The following DCC variants were observed in gnomAD, a reference collection of about 807,000 sequenced individuals.
The protein encoded by DCC is netrin receptor DCC.
DCC carries 58 observed loss-of-function variants against 172.5 expected under a neutral mutation model. The observed-to-expected ratio is 0.34, with a 90% CI of 0.27 to 0.42. The LOEUF (loss-of-function observed/expected upper bound fraction) is 0.42. Among genes scored for constraint, DCC ranks in the 10% least tolerant of loss-of-function variants. DCC has a pLI of 1.00. For synonymous variants in DCC, 709 were observed against 644.5 expected (o/e 1.10, Z -1.52); for missense variants, 1,740 against 1,791.0 (o/e 0.97, Z 0.51).
intron 8 of DCC, among the ~76,000 whole-genome samples, chr18:53,176,104 C>T (rs1441784806): frequency 7.0e-6 from 1 of 142,108 alleles, no homozygotes; most frequent in African/African-American, 2.6e-5. Context: ...ATAAATGGTG[C>T]TGGGAAAACT....
At chr18:53,173,419 C>T (rs1459318859) in intron 8 of DCC, among the ~76,000 whole-genome samples, 1 of 152,004 alleles carries the variant, frequency 6.6e-6, no homozygotes, top group Non-Finnish European at 1.5e-5. Flanking sequence ...TTTGAGTGTA[C>T]AGTTCTATGG....
chr18:53,430,286 G>A (rs1042019019), intron 21 of DCC, among the ~76,000 whole-genome samples: 2 of 152,074 alleles, frequency 1.3e-5, no homozygotes, highest in Non-Finnish European at 2.9e-5. Flanking sequence ...TTAGATTATG[G>A]ACAATACGTT....
intron 7 of DCC, among the ~76,000 whole-genome samples, chr18:53,114,252 C>A (rs1179611833): frequency 4.0e-5 from 6 of 149,972 alleles, no homozygotes; most frequent in Non-Finnish European, 7.4e-5. Flanking sequence ...TAATGAACAC[C>A]CCCCCCACCC....
intron 5 of DCC, among the ~76,000 whole-genome samples, chr18:53,019,967 A>G (rs1389491290): frequency 2.6e-5 from 4 of 152,150 alleles, no homozygotes; most frequent in African/African-American, 9.7e-5. Context: ...TGGAGTCACA[A>G]ACTAAAGTGA....
intron 2 of DCC, among the ~76,000 whole-genome samples, chr18:52,847,168 G>T (rs2038907754): frequency 2.0e-5 from 3 of 152,088 alleles, no homozygotes; most frequent in Admixed American, 6.5e-5. Flanking sequence ...TCTCAATTTA[G>T]ACTTGGTTTG....
intron 27 of DCC, among the ~76,000 whole-genome samples, chr18:53,520,085 T>C (rs2046382729): frequency 6.6e-6 from 1 of 152,080 alleles, no homozygotes; most frequent in African/African-American, 2.4e-5. Flanking sequence ...GCTTTAAACC[T>C]GGCTTCTGAA....
chr18:52,820,109 C>T (rs1203717315), intron 2 of DCC, among the ~76,000 whole-genome samples: 1 of 152,132 alleles, frequency 6.6e-6, no homozygotes, highest in Admixed American at 6.5e-5. Flanking sequence ...TGGTTTCATT[C>T]ACCCCACTTG....
chr18:53,416,029 TA>T, intron 20 of DCC, 94 bp from the exon 21 acceptor site: 1 of 909,406 alleles, frequency 1.1e-6, no homozygotes. Context: ...AGCTTTGAAA[TA>T]AAAACTTACT....
intron 5 of DCC, among the ~76,000 whole-genome samples, chr18:52,952,918 A>G (rs1453981473): frequency 7.2e-6 from 1 of 138,906 alleles, no homozygotes; most frequent in African/African-American, 2.7e-5. Flanking sequence ...GAATTGATTG[A>G]TCCCAGGAAG....
intron 26 of DCC, among the ~76,000 whole-genome samples, chr18:53,495,502 G>A (rs529668135): frequency 1.3e-4 from 20 of 152,182 alleles, no homozygotes; most frequent in African/African-American, 4.8e-4. Flanking sequence ...AGTCTGATGG[G>A]CTTCCCTTTG....
chr18:52,385,622 C>T (rs1985767092), intron 1 of DCC, among the ~76,000 whole-genome samples: 1 of 151,632 alleles, frequency 6.6e-6, no homozygotes, highest in Admixed American at 6.6e-5. Context: ...TCTATATAAC[C>T]AATTGATAGT....
intron 27 of DCC, among the ~76,000 whole-genome samples, chr18:53,510,143 G>A (rs941091873): frequency 4.6e-5 from 7 of 152,046 alleles, no homozygotes; most frequent in Non-Finnish European, 1.0e-4. Context: ...TTCGAAAGGG[G>A]TCATCCTAAC....
chr18:53,313,482 G>A (rs1271802114), intron 13 of DCC, among the ~76,000 whole-genome samples: 1 of 152,140 alleles, frequency 6.6e-6, no homozygotes, highest in African/African-American at 2.4e-5. Context: ...CCGACCTCAA[G>A]TGATTCGCCT....
intron 1 of DCC, among the ~76,000 whole-genome samples, chr18:52,562,143 T>C (rs1160036461): frequency 1.3e-5 from 2 of 152,100 alleles, no homozygotes; most frequent in African/African-American, 4.8e-5. Flanking sequence ...AATGGGATGG[T>C]GTTGAGCACA....
intron 21 of DCC, among the ~76,000 whole-genome samples, chr18:53,428,335 T>A (rs1376921909): frequency 0.011 from 551 of 52,226 alleles, 83 homozygotes; most frequent in Non-Finnish European, 0.019. Context: ...ATATAATATA[T>A]TGTATATAAT....
chr18:52,926,790 T>C (rs1172831425), intron 5 of DCC, among the ~76,000 whole-genome samples: 1 of 147,214 alleles, frequency 6.8e-6, no homozygotes, highest in East Asian at 2.0e-4. Context: ...TCTATATATA[T>C]ACACACACAC....
intron 12 of DCC, among the ~76,000 whole-genome samples, chr18:53,269,535 G>A (rs1445744705): frequency 1.3e-5 from 2 of 152,210 alleles, no homozygotes; most frequent in East Asian, 3.9e-4. Context: ...AAAGAGAAAG[G>A]CATAGAATGT....
intron 9 of DCC, among the ~76,000 whole-genome samples, chr18:53,204,391 T>TA (rs1162715682): frequency 6.6e-6 from 1 of 151,532 alleles, no homozygotes; most frequent in African/African-American, 2.4e-5. Context: ...AAAATAAAAA[T>TA]AAAAAAATAA....
rs117045749 is a variant in DCC, at chr18:52,575,383, T to C, written c.92-176671T>C. 8.2e-3 allele frequency among the ~76,000 whole-genome samples: 1,253 copies of C among 152,294 alleles called. 13 individuals are homozygous for C. Among genetic ancestry groups the C allele is most frequent in the Middle Eastern group, 0.041 (12 of 294 alleles). ...TAGAGGTGCGTTATACTCAGAAAGA[T>C]AGATGGTGTAGGATATTTATTACTC... On this transcript the variant is annotated intron_variant, in intron 1 of 28. Transcript: ENST00000442544.
Sources: gnomAD v4.1 joint callset for allele counts (sites outside exome capture counted in the v4.1 genomes callset) on GRCh38, gnomAD v4.1.1 for gene constraint, MANE v1.5 for transcripts, NCBI Gene and HGNC (gene_info 2026-07-23, HGNC 2026-07-21) for gene names.